PDE6A: variants seen among roughly 807,000 people sequenced by gnomAD.
The protein encoded by PDE6A is phosphodiesterase 6A, also known as rod cGMP-specific 3',5'-cyclic phosphodiesterase subunit alpha.
PDE6A carries 84 observed loss-of-function variants against 106.3 expected under a neutral mutation model. The observed-to-expected ratio is 0.79, with a 90% confidence interval of 0.66 to 0.95. The LOEUF is 0.95. PDE6A is among the 40% of genes least tolerant of loss of function. The pLI, the probability that PDE6A is intolerant of heterozygous loss-of-function variation, is 0.00. For synonymous variants in PDE6A, 394 were observed against 386.6 expected, an observed-to-expected ratio of 1.02 and a Z score of -0.23; for missense variants, 1,052 against 1,084.9, an observed-to-expected ratio of 0.97 and a Z score of 0.43.
chr5:149,926,338 A>G, intron 4 of PDE6A, among the ~76,000 whole-genome samples: 1 of 152,222 alleles, frequency 6.6e-6, no homozygotes, highest in East Asian at 1.9e-4. Context: ...CACTTGGTTG[A>G]TAATAAAGGT....
At chr5:149,904,042 A>G (rs1479934066) in intron 7 of PDE6A, among the ~76,000 whole-genome samples, 3 of 152,206 alleles carry the variant, frequency 2.0e-5, no homozygotes, top group African/African-American at 7.2e-5. Context: ...TTAAGTTAAT[A>G]TAAATACCAG....
At chr5:149,924,531 C>T (rs377360943) in intron 4 of PDE6A, among the ~76,000 whole-genome samples, 5 of 151,432 alleles carry the variant, frequency 3.3e-5, no homozygotes, top group South Asian at 2.1e-4. Flanking sequence ...AAATTAATTA[C>T]GGTATATTTA....
At chr5:149,884,266 A>ATG (rs1761044454) in intron 16 of PDE6A, among the ~76,000 whole-genome samples, 1 of 147,536 alleles carries the variant, frequency 6.8e-6, no homozygotes, top group African/African-American at 2.5e-5. Flanking sequence ...ATGTGTATAT[A>ATG]TATGTATATA....
In PDE6A at chr5:149,883,507, T is replaced by C. The variant is rs1188525216; in HGVS notation, c.2057A>G (p.Asp686Gly). The change falls in exon 17 of 22, where the codon GAT becomes GGT. Residue 686 changes from aspartate to glycine, a missense_variant. Transcript: ENST00000255266. ...TTCACTCTCATATGTCTTAGACTGA[T>C]CCACGATCTTTTGGAACATCGTCCT... ...KKRTMFQKIVDQSKTYESEQE... is the reference protein window; with the variant it reads ...KKRTMFQKIVGQSKTYESEQE... 6.2e-7 allele frequency: 1 copy of C among 1,613,448 alleles called. No homozygotes were observed. Among genetic ancestry groups the C allele is most frequent in the African/African-American group, 1.3e-5 (1 of 74,916 alleles).
intron 6 of PDE6A, among the ~76,000 whole-genome samples, chr5:149,910,084 A>G (rs138400657): frequency 7.2e-5 from 11 of 152,240 alleles, no homozygotes; most frequent in Non-Finnish European, 1.5e-4. Flanking sequence ...AGGTCATGTT[A>G]TGAGGTGCTT....
At chr5:149,872,632 C>T (rs891151628) in intron 17 of PDE6A, among the ~76,000 whole-genome samples, 1 of 152,168 alleles carries the variant, frequency 6.6e-6, no homozygotes, top group Non-Finnish European at 1.5e-5. Context: ...CCTTTCAGGA[C>T]ACTTACTCAG....
At chr5:149,928,236 T>TTTTTTTATTTTTATTTTTA (rs1753927946) in intron 4 of PDE6A, among the ~76,000 whole-genome samples, 1 of 78,072 alleles carries the variant, frequency 1.3e-5, no homozygotes, top group African/African-American at 6.3e-5. Context: ...TATATATTTT[T>TTTTTTTATTTTTATTTTTA]TTTTTTTTTT....
intron 17 of PDE6A, among the ~76,000 whole-genome samples, chr5:149,875,151 G>T (rs1760692186): frequency 6.6e-6 from 1 of 152,132 alleles, no homozygotes; most frequent in African/African-American, 2.4e-5. Flanking sequence ...ATAGCAAACA[G>T]CTGGGCCAAT....
At chr5:149,866,801 A>T in intron 19 of PDE6A, 1 of 154,494 alleles carries the variant, frequency 6.5e-6, no homozygotes, top group Non-Finnish European at 1.4e-5. Flanking sequence ...ATAGTGGCTG[A>T]GATTTACTTT....
intron 13 of PDE6A, among the ~76,000 whole-genome samples, chr5:149,891,113 C>G (rs1752527896): frequency 6.6e-6 from 1 of 152,192 alleles, no homozygotes; most frequent in South Asian, 2.1e-4. Context: ...CTCCATGACT[C>G]ATCATGGAAG....
At chr5:149,907,487 T>C (rs1414984332) in intron 6 of PDE6A, 109 bp from the exon 7 acceptor site, 3 of 831,504 alleles carry the variant, frequency 3.6e-6, no homozygotes, top group Non-Finnish European at 6.2e-6. Context: ...TCTCAGCACC[T>C]GCTTACATTC....
In PDE6A at chr5:149,859,298, T is replaced by C. The variant is rs1760047585; in HGVS notation, c.*1597A>G. 1 of 152,210 alleles carries C rather than the reference T, an allele frequency of 6.6e-6. No individual in the cohort carries two copies. The highest frequency in any genetic ancestry group is 1.5e-5 in the Non-Finnish European group (1 of 68,034). 9.4% of individuals were successfully genotyped at this position (152,210 alleles called of 1,614,324 possible). ...CAAAAAGAAACAACTAAATTCAATA[T>C]GTGAATTTGTTTGGATCAGATTCAG... On this transcript the variant is annotated 3_prime_UTR_variant, in exon 22 of 22. Transcript: ENST00000255266.
At chr5:149,900,729 A>G (rs943086367) in intron 8 of PDE6A, among the ~76,000 whole-genome samples, 1 of 152,078 alleles carries the variant, frequency 6.6e-6, no homozygotes, top group Non-Finnish European at 1.5e-5. Flanking sequence ...TGTCTCCAAA[A>G]GGATGCAGAA....
At chr5:149,890,249 G>A (rs186160647) in intron 13 of PDE6A, among the ~76,000 whole-genome samples, 149 of 152,082 alleles carry the variant, frequency 9.8e-4, no homozygotes, top group African/African-American at 3.3e-3. Context: ...GAGCCACTGC[G>A]TCTGGCCCCA....
rs145246053 is a variant in PDE6A at position 149,869,769 on chromosome 5, A to C, written c.2136-1611T>G. On this transcript the variant is annotated intron_variant, in intron 17 of 21. Coordinates refer to ENST00000255266, the MANE Select transcript of PDE6A (RefSeq NM_000440.3). ...GGGGGATGGGGTGCTGCAGTAATTC[A>C]GCAGGAGGGCAGGAGAGCTGGTCTG... Among the ~76,000 whole-genome samples, 287 of 152,300 alleles carry C rather than the reference A, an allele frequency of 1.9e-3. 1 individual carries two copies. The highest frequency in any genetic ancestry group is 6.6e-3 in the African/African-American group (273 of 41,570).
At chr5:149,897,504 C>T (rs1752798522) in intron 10 of PDE6A, among the ~76,000 whole-genome samples, 2 of 152,320 alleles carry the variant, frequency 1.3e-5, no homozygotes, top group South Asian at 2.1e-4. Context: ...CTGAATTTAA[C>T]AGTTATTGGA....
chr5:149,944,222 G>T lies in PDE6A; in HGVS notation c.452C>A (p.Ala151Asp), dbSNP rs1490159958. Residue 151 changes from alanine (A) to aspartate (D), a missense_variant, in exon 1 of 22, where the codon GCT becomes GAT. Around this residue, in one of 3 missense-constraint regions of PDE6A, gnomAD observed 913 missense variants for 915.2 expected, o/e 1.00. Coordinates refer to ENST00000255266, the MANE Select transcript of PDE6A (RefSeq NM_000440.3). ...VGHVAHSKKI[A>D]NVPNTEEDEH... Reference sequence around the variant, plus strand: ...TACCTCCTCTGTGTTGGGGACGTTAGCAATCTTCTTAGAGTGTGCGACATG... The same window carrying T: ...TACCTCCTCTGTGTTGGGGACGTTATCAATCTTCTTAGAGTGTGCGACATG... The T allele has an allele frequency of 6.2e-7, 1 of 1,613,494 alleles. No homozygotes were observed. The highest frequency in any genetic ancestry group is 2.2e-5 in the East Asian group (1 of 44,854).
chr5:149,929,608 A>AT lies in PDE6A; in HGVS notation c.858+1419_858+1420insA, dbSNP rs1304344483. Among the ~76,000 whole-genome samples the AT allele has an allele frequency of 4.8e-5, 6 of 125,228 alleles. No homozygotes were observed. The South Asian group carries it at 7.6e-4, about 16-fold the overall frequency. The allele number at this position is 125,228 out of a possible 152,430, so 82.2% of individuals were successfully genotyped here. A position where few individuals can be genotyped will look rare whatever the true frequency, so the allele number is the denominator to read the frequency against. On this transcript the variant is annotated intron_variant, in intron 4 of 21. Transcript: ENST00000255266. The stretch of plus-strand genomic sequence containing the variant: ...GGTGACAGAGCGAGACTCCGTCTCA[A>AT]AAAATAAATAAATAAATAAATAAAT...
rs556049780 is a variant in PDE6A at position 149,933,608 on chromosome 5, C to A, written c.717+322G>T. Among the ~76,000 whole-genome samples, 3 of 152,230 alleles carry A rather than the reference C, an allele frequency of 2.0e-5. No individual in the cohort carries two copies. The East Asian group carries it at 5.8e-4, about 29-fold the overall frequency. ...TATCTCGTTTACTATTGATGGCAAC[C>A]TTTTGAGGGTGGCACCATAATCATC... On this transcript the variant is annotated intron_variant, in intron 3 of 21. Transcript: ENST00000255266.
Sources: gnomAD v4.1 joint callset for allele counts (sites outside exome capture counted in the v4.1 genomes callset) on GRCh38, gnomAD v4.1.1 for gene constraint, gnomAD v4.1.1 regional missense constraint, MANE v1.5 for transcripts, NCBI Gene and HGNC (gene_info 2026-07-23, HGNC 2026-07-21) for gene names.